The following SAR1A variants were observed in gnomAD, a reference collection of about 807,000 sequenced individuals.
SAR1A encodes secretion associated Ras related GTPase 1A.
A neutral mutation model predicts 22.6 loss-of-function variants in SAR1A; 6 were observed. The observed-to-expected ratio is 0.27, with a 90% CI of 0.15 to 0.52. The LOEUF is 0.52. Ranked by LOEUF, SAR1A falls within the 20% of genes least tolerant of loss-of-function variation. The pLI is 0.96. For missense variants in SAR1A, 145 were observed against 245.1 expected (o/e 0.59, Z 2.73); for synonymous variants, 70 against 82.2 (o/e 0.85, Z 0.80).
chr10:70,162,115 G>C (rs559714824), intron 1 of SAR1A, among the ~76,000 whole-genome samples, 184 bp from the exon 2 acceptor site: 1 of 152,044 alleles, frequency 6.6e-6, no homozygotes, highest in Non-Finnish European at 1.5e-5. Flanking sequence ...CAAGGCAGGC[G>C]GATCACTTGA....
chr10:70,154,015 A>AG, intron 5 of SAR1A, 46 bp from the exon 6 acceptor site: 1 of 1,446,710 alleles, frequency 6.9e-7, no homozygotes, highest in Non-Finnish European at 9.3e-7. Flanking sequence ...GAATTAAGTG[A>AG]GGAATCTACA....
In SAR1A at chr10:70,148,386, T is replaced by G. The variant is rs1034185021; in HGVS notation, c.*4090A>C. The stretch of plus-strand genomic sequence containing the variant: ...TATCCATGATAGTATGAGGCAGGAA[T>G]AAAATTAGGCCATCTTGCCATAGCA... On this transcript the variant is annotated 3_prime_UTR_variant, in exon 7 of 7. Transcript: ENST00000373241. 1 of 152,214 alleles carries G rather than the reference T, an allele frequency of 6.6e-6. No homozygotes were observed. The highest frequency in any genetic ancestry group is 2.4e-5 in the African/African-American group (1 of 41,456). 9.4% of individuals were successfully genotyped at this position (152,214 alleles called of 1,614,324 possible).
chr10:70,153,813 T>G (rs564174469), intron 6 of SAR1A, 25 bp downstream of exon 6: 26 of 1,565,072 alleles, frequency 1.7e-5, no homozygotes, highest in Non-Finnish European at 2.2e-5. Flanking sequence ...GTCCTTTATA[T>G]GTAACCCAAA....
chr10:70,151,259 C>CAAAAAAAAAAAAAAAAAAAAAA lies in SAR1A; in HGVS notation c.*1195_*1216dup, dbSNP rs201493587. ...GCAATGGAGAAAGACAATTTCATAC[C>CAAAAAAAAAAAAAAAAAAAAAA]AAAAAAAAAAAAAAAAAAAAAAAAA... is the stretch of plus-strand genomic sequence containing the variant. On this transcript the variant is annotated 3_prime_UTR_variant, in exon 7 of 7. Coordinates refer to ENST00000373241, the MANE Select transcript of SAR1A (RefSeq NM_020150.5). 21 of 70,360 alleles carry CAAAAAAAAAAAAAAAAAAAAAA rather than the reference C, an allele frequency of 3.0e-4. No homozygotes were observed. Among genetic ancestry groups the CAAAAAAAAAAAAAAAAAAAAAA allele is most frequent in the Non-Finnish European group, 4.7e-4 (18 of 38,016 alleles). The allele number at this position is 70,360 out of a possible 1,614,324, so 4.4% of individuals were successfully genotyped here.
chr10:70,154,996 A>T, intron 5 of SAR1A: 1 of 451,322 alleles, frequency 2.2e-6, no homozygotes, highest in Non-Finnish European at 4.5e-6. Context: ...TAGGACAATA[A>T]TTCAGGAAGC....
At chr10:70,157,950 A>C (rs1839415633) in intron 4 of SAR1A, 83 bp from the exon 5 acceptor site, 1 of 942,626 alleles carries the variant, frequency 1.1e-6, no homozygotes. Flanking sequence ...AAATGGACAA[A>C]TCTTGGTCGG....
chr10:70,170,434 A>G lies in SAR1A; in HGVS notation c.-38T>C, dbSNP rs1839613001. 6.6e-6 allele frequency: 1 copy of G among 151,326 alleles called. No individual in the cohort carries two copies. Among genetic ancestry groups the G allele is most frequent in the South Asian group, 2.1e-4 (1 of 4,788 alleles). The allele number at this position is 151,326 out of a possible 1,614,324, so 9.4% of individuals were successfully genotyped here. A position where few individuals can be genotyped will look rare whatever the true frequency, so the allele number is the denominator to read the frequency against. ...TCACGGCCTGAGGGGCTCCTCCGGC[A>G]AAACAGCGGCTGGCTCGGACCCTCC... On this transcript the variant is annotated 5_prime_UTR_variant, in exon 1 of 7. Coordinates refer to ENST00000373241, the MANE Select transcript of SAR1A (RefSeq NM_020150.5).
intron 5 of SAR1A, chr10:70,155,095 G>A (rs377324261): frequency 8.9e-5 from 47 of 528,004 alleles, no homozygotes; most frequent in Non-Finnish European, 1.6e-4. Context: ...CACATTAGGG[G>A]CCAGTGTGAG....
rs1214313049 is a variant in SAR1A at position 70,151,627 on chromosome 10, T to C, written c.*849A>G. Reference sequence around the variant, plus strand: ...TCTTTTATGAGGTCAAAGTCACTTTTGATAACTGAAAACGAAAAAGGAAGG... The same window carrying C: ...TCTTTTATGAGGTCAAAGTCACTTTCGATAACTGAAAACGAAAAAGGAAGG... On this transcript the variant is annotated 3_prime_UTR_variant, in exon 7 of 7. Transcript: ENST00000373241. The C allele has an allele frequency of 2.0e-5, 3 of 152,620 alleles. No homozygotes were observed. Among genetic ancestry groups the C allele is most frequent in the African/African-American group, 7.2e-5 (3 of 41,436 alleles). The allele number at this position is 152,620 out of a possible 1,614,324, so 9.5% of individuals were successfully genotyped here. A position where few individuals can be genotyped will look rare whatever the true frequency, so the allele number is the denominator to read the frequency against.
intron 1 of SAR1A, among the ~76,000 whole-genome samples, chr10:70,168,548 T>C (rs1839582514): frequency 2.0e-5 from 3 of 152,058 alleles, no homozygotes; most frequent in Non-Finnish European, 4.4e-5. Context: ...GCCGAGGTCA[T>C]GACATTGCAC....
At chr10:70,155,581 T>C (rs2136710850) in intron 5 of SAR1A, among the ~76,000 whole-genome samples, 1 of 151,882 alleles carries the variant, frequency 6.6e-6, no homozygotes, top group East Asian at 1.9e-4. Flanking sequence ...GTCCCTATCA[T>C]GTTAGTTCAT....
chr10:70,165,827 A>ACAG (rs1335967452), intron 1 of SAR1A, among the ~76,000 whole-genome samples: 1 of 152,234 alleles, frequency 6.6e-6, no homozygotes, highest in Non-Finnish European at 1.5e-5. Context: ...ATGCTATCAA[A>ACAG]CAGCATTGCA....
At chr10:70,155,788 C>A (rs963948021) in intron 5 of SAR1A, among the ~76,000 whole-genome samples, 1 of 152,116 alleles carries the variant, frequency 6.6e-6, no homozygotes, top group African/African-American at 2.4e-5. Flanking sequence ...AAAAGCCAGG[C>A]AGTAGCTACT....
At chr10:70,156,626 T>C (rs1185616468) in intron 5 of SAR1A, among the ~76,000 whole-genome samples, 1 of 150,654 alleles carries the variant, frequency 6.6e-6, no homozygotes, top group Non-Finnish European at 1.5e-5. Context: ...TGAGCCGTGA[T>C]TGCACCATTG....
intron 4 of SAR1A, among the ~76,000 whole-genome samples, chr10:70,158,941 A>G (rs906322990): frequency 6.6e-6 from 1 of 152,154 alleles, no homozygotes; most frequent in Non-Finnish European, 1.5e-5. Flanking sequence ...AATTTATCAC[A>G]CCAAACAATC....
chr10:70,162,019 G>A, intron 1 of SAR1A, 88 bp from the exon 2 acceptor site: 1 of 937,862 alleles, frequency 1.1e-6, no homozygotes, highest in Non-Finnish European at 1.7e-6. Flanking sequence ...TAGCCATGAT[G>A]CACATTTATA....
chr10:70,148,814 C>CAAAG lies in SAR1A; in HGVS notation c.*3661_*3662insCTTT, dbSNP rs1839294518. ...AAAAACAAACAAACAAACAAACAAA[C>CAAAG]AAACTTTCTCTCTCGAGTCCAGTGA... On this transcript the variant is annotated 3_prime_UTR_variant, in exon 7 of 7. Coordinates refer to ENST00000373241, the MANE Select transcript of SAR1A (RefSeq NM_020150.5). 1 of 156,038 alleles carries CAAAG rather than the reference C, an allele frequency of 6.4e-6. No individual in the cohort carries two copies. Among genetic ancestry groups the CAAAG allele is most frequent in the South Asian group, 2.0e-4 (1 of 4,928 alleles). The allele number at this position is 156,038 out of a possible 1,614,324, so 9.7% of individuals were successfully genotyped here. A position where few individuals can be genotyped will look rare whatever the true frequency, so the allele number is the denominator to read the frequency against.
rs1174711637 is a variant in SAR1A, at chr10:70,147,308, C to A, written c.*5168G>T. On this transcript the variant is annotated 3_prime_UTR_variant, in exon 7 of 7. Coordinates refer to ENST00000373241, the MANE Select transcript of SAR1A (RefSeq NM_020150.5). ...AGTAGCTGAAATCAAAAATTTTAATCATACAGGCCTATATTTTACAGTGTG... is the reference window on the plus strand; with the variant it reads ...AGTAGCTGAAATCAAAAATTTTAATAATACAGGCCTATATTTTACAGTGTG... 1 of 152,086 alleles carries A rather than the reference C, an allele frequency of 6.6e-6. No individual in the cohort carries two copies. Among genetic ancestry groups the A allele is most frequent in the East Asian group, 1.9e-4 (1 of 5,192 alleles). The allele number at this position is 152,086 out of a possible 1,614,324, so 9.4% of individuals were successfully genotyped here.
In SAR1A at chr10:70,155,935, G is replaced by C. The variant is rs553187625; in HGVS notation, c.348+1829C>G. On this transcript the variant is annotated intron_variant, in intron 5 of 6. Transcript: ENST00000373241. ...TATAGATTTTATCCTGAAAATGATA[G>C]AGAACTATCAAAGGATATTAAGTAG... 3.9e-5 allele frequency among the ~76,000 whole-genome samples: 6 copies of C among 152,318 alleles called. No homozygotes were observed. The South Asian group carries it at 1.2e-3, about 32-fold the overall frequency.
Sources: allele counts gnomAD v4.1 joint callset (sites outside exome capture counted in the v4.1 genomes callset), GRCh38; gene constraint gnomAD v4.1.1; transcripts MANE v1.5; gene names NCBI Gene and HGNC (gene_info 2026-07-23, HGNC 2026-07-21).